Variants in LIMCH1 observed in about 807,000 individuals in gnomAD.
The protein encoded by LIMCH1 is LIM and calponin homology domains-containing protein 1.
LIMCH1 carries 113 observed loss-of-function variants against 176.5 expected under a neutral mutation model. The observed-to-expected ratio is 0.64, with a 90% CI of 0.55 to 0.75. LIMCH1 has a LOEUF of 0.75. LIMCH1 is among the 30% of genes least tolerant of loss of function. The pLI is 0.00. For synonymous variants in LIMCH1, 619 were observed against 645.9 expected (o/e 0.96, Z 0.63); for missense variants, 1,674 against 1,814.9 (o/e 0.92, Z 1.41).
At position 41,692,433 on chromosome 4, in the gene LIMCH1, C is replaced by T. The variant is rs766380955; in HGVS notation, c.4378+49C>T. 3.5e-6 allele frequency: 4 copies of T among 1,143,084 alleles called. No individual in the cohort carries two copies. In the East Asian group the frequency reaches 7.1e-5, roughly 20 times the overall value. The allele number at this position is 1,143,084 out of a possible 1,614,324, so 70.8% of individuals were successfully genotyped here. ...ATGATGACCGAGTGTAATCGTATGTCTTCCATAGGACCCAATTTAGGAATT... is the reference window on the plus strand; with the variant it reads ...ATGATGACCGAGTGTAATCGTATGTTTTCCATAGGACCCAATTTAGGAATT... On this transcript the variant is annotated intron_variant, in intron 31 of 31. Transcript: ENST00000503057.
intron 1 of LIMCH1, among the ~76,000 whole-genome samples, chr4:41,540,517 T>C (rs2078490014): frequency 6.6e-6 from 1 of 152,168 alleles, no homozygotes; most frequent in Non-Finnish European, 1.5e-5. Context: ...GGCAGGTGGA[T>C]CACCTGAGAT....
At position 41,619,280 on chromosome 4, in the gene LIMCH1, G is replaced by C; in HGVS notation, c.298G>C (p.Glu100Gln). The part of the protein sequence containing the change: ...DMSARRTSHG[E>Q]PKSAVPFNQY... ...GTCTGCACGGCGGACTTCCCATGGT[G>C]AGCCGAAATCAGCAGTGCCTTTTAA... The change falls in exon 6 of 32, where the codon GAG becomes CAG. Residue 100 changes from glutamate to glutamine, a missense_variant. By Grantham distance (29) the Glu-to-Gln change is conservative. Around this residue, in one of 3 missense-constraint regions of LIMCH1, gnomAD observed 655 missense variants for 692.2 expected, o/e 0.95. Coordinates refer to ENST00000503057, the MANE Select transcript of LIMCH1 (RefSeq NM_001330672.2). 1 of 1,614,242 alleles carries C rather than the reference G, an allele frequency of 6.2e-7. No individual in the cohort carries two copies. Among genetic ancestry groups the C allele is most frequent in the Non-Finnish European group, 8.5e-7 (1 of 1,180,042 alleles).
intron 2 of LIMCH1, among the ~76,000 whole-genome samples, chr4:41,601,514 G>T (rs1184287849): frequency 6.6e-6 from 1 of 152,146 alleles, no homozygotes; most frequent in Non-Finnish European, 1.5e-5. Context: ...CAAGCTTCAT[G>T]TTTAAAAGAA....
At chr4:41,419,652 C>T (rs867548066) in intron 1 of LIMCH1, among the ~76,000 whole-genome samples, 7 of 47,034 alleles carry the variant, frequency 1.5e-4, no homozygotes, top group African/African-American at 6.7e-4. Flanking sequence ...CTTTCTTCCT[C>T]CTTCCTTCCT....
intron 1 of LIMCH1, among the ~76,000 whole-genome samples, chr4:41,390,211 T>G (rs1373104887): frequency 1.3e-5 from 2 of 151,346 alleles, no homozygotes; most frequent in African/African-American, 4.9e-5. Flanking sequence ...TGTGGTCCAA[T>G]CTTCTGCTCT....
intron 1 of LIMCH1, among the ~76,000 whole-genome samples, chr4:41,482,357 G>A (rs1426274444): frequency 6.6e-6 from 1 of 152,156 alleles, no homozygotes; most frequent in African/African-American, 2.4e-5. Flanking sequence ...AAAGAGATGC[G>A]AAGAGAGGAG....
chr4:41,555,796 A>C (rs2081162443), intron 1 of LIMCH1, among the ~76,000 whole-genome samples: 1 of 152,252 alleles, frequency 6.6e-6, no homozygotes, highest in Non-Finnish European at 1.5e-5. Flanking sequence ...CCCAGGCTGC[A>C]GTGCAGCGGC....
At chr4:41,661,552 A>G in intron 19 of LIMCH1, 42 bp downstream of exon 19, 1 of 1,315,006 alleles carries the variant, frequency 7.6e-7, no homozygotes, top group Non-Finnish European at 1.1e-6. Context: ...AATCATGGTA[A>G]CTGTTTAAGA....
intron 1 of LIMCH1, among the ~76,000 whole-genome samples, chr4:41,572,134 T>C (rs1208276844): frequency 6.6e-6 from 1 of 152,212 alleles, no homozygotes; most frequent in African/African-American, 2.4e-5. Flanking sequence ...CGTTAGCTGC[T>C]GAGCTGAATT....
chr4:41,525,727 A>AAT (rs2076574845), intron 3 of LIMCH1, among the ~76,000 whole-genome samples: 1 of 151,978 alleles, frequency 6.6e-6, no homozygotes, highest in Non-Finnish European at 1.5e-5. Context: ...TAAAATAAAT[A>AAT]ATATATAAGT....
chr4:41,416,363 A>T (rs1461581080), intron 1 of LIMCH1, among the ~76,000 whole-genome samples: 1 of 152,104 alleles, frequency 6.6e-6, no homozygotes. Flanking sequence ...TGAGAACTGG[A>T]AACAACTGAT....
At chr4:41,387,424 GCAAT>G (rs1288108386) in intron 1 of LIMCH1, among the ~76,000 whole-genome samples, 4 of 152,092 alleles carry the variant, frequency 2.6e-5, no homozygotes, top group Non-Finnish European at 4.4e-5. Flanking sequence ...AATTCATAAA[GCAAT>G]CAAAGGATAG....
intron 2 of LIMCH1, among the ~76,000 whole-genome samples, chr4:41,511,264 C>G (rs967005934): frequency 3.3e-5 from 5 of 152,204 alleles, no homozygotes; most frequent in Non-Finnish European, 7.3e-5. Context: ...ATCTTTCTTG[C>G]ATTTGCTTCT....
intron 1 of LIMCH1, among the ~76,000 whole-genome samples, chr4:41,409,988 C>T (rs191944688): frequency 2.6e-5 from 4 of 152,206 alleles, no homozygotes; most frequent in African/African-American, 9.6e-5. Flanking sequence ...AACAGTTACT[C>T]CTTTATTTTT....
intron 2 of LIMCH1, among the ~76,000 whole-genome samples, chr4:41,518,747 C>T (rs1322397433): frequency 2.6e-5 from 4 of 152,132 alleles, no homozygotes; most frequent in Non-Finnish European, 5.9e-5. Context: ...CCCCCACCCC[C>T]GATAGGCCCT....
chr4:41,660,185 TTAAC>T (rs1057515230), intron 18 of LIMCH1, among the ~76,000 whole-genome samples: 1 of 152,204 alleles, frequency 6.6e-6, no homozygotes, highest in African/African-American at 2.4e-5. Flanking sequence ...TCACGTATCA[TTAAC>T]TATTATTCAA....
chr4:41,642,232 T>C (rs547582401), intron 14 of LIMCH1, among the ~76,000 whole-genome samples: 59 of 152,150 alleles, frequency 3.9e-4, no homozygotes, highest in Non-Finnish European at 7.1e-4. Context: ...CTCAGAGAGG[T>C]TTAAGTCTTC....
At chr4:41,489,347 C>G (rs2070309214) in intron 1 of LIMCH1, among the ~76,000 whole-genome samples, 1 of 152,050 alleles carries the variant, frequency 6.6e-6, no homozygotes, top group African/African-American at 2.4e-5. Flanking sequence ...TTCTCCCTTT[C>G]TTCACTTAAT....
chr4:41,644,548 G>C lies in LIMCH1; in HGVS notation c.2175G>C (p.Gln725His). The change falls in exon 15 of 32, where the codon CAG (glutamine) becomes CAC (histidine). Residue 725 changes from glutamine (Q) to histidine (H), a missense_variant. By Grantham distance (24) the Gln-to-His change is conservative (BLOSUM62 0). This residue lies in a region of LIMCH1 where 1,015 missense variants were observed against 1,102.5 expected (regional missense o/e 0.92). Transcript: ENST00000503057. ...GGTGTGAGGAGGAGGCCGCGGTGCA[G>C]CCGCACAGCAGGGCCCGCCAGGAGC... is the stretch of plus-strand genomic sequence containing the variant. ...DMRCEEEAAV[Q>H]PHSRARQEQL... is the part of the protein sequence containing the mutation. The C allele has an allele frequency of 1.2e-6, 2 of 1,603,576 alleles. No homozygotes were observed. The highest frequency in any genetic ancestry group is 1.3e-5 in the African/African-American group (1 of 74,732).
Sources: allele counts gnomAD v4.1 joint callset (sites outside exome capture counted in the v4.1 genomes callset), GRCh38; gene constraint gnomAD v4.1.1; regional missense constraint gnomAD v4.1.1; transcripts MANE v1.5; gene names NCBI Gene and HGNC (gene_info 2026-07-23, HGNC 2026-07-21).